The following ADGRG1 variants were observed in gnomAD, a reference collection of about 807,000 sequenced individuals.
ADGRG1 encodes the protein 7-transmembrane protein with no EGF-like N-terminal domains-1.
A neutral mutation model predicts 73.5 loss-of-function variants in ADGRG1; 53 were observed. The ratio of observed to expected loss-of-function variants is 0.72; its 90% CI spans 0.58 to 0.91. The LOEUF is 0.91. Ranked by LOEUF, ADGRG1 falls within the 40% of genes least tolerant of loss-of-function variation. The pLI, the probability that ADGRG1 is intolerant of heterozygous loss-of-function variation, is 0.00. For synonymous variants in ADGRG1, 394 were observed against 374.4 expected (o/e 1.05, Z -0.60); for missense variants, 795 against 871.8 (o/e 0.91, Z 1.11).
Position 57,654,414 on chromosome 16 carries a change from C to T in ADGRG1, c.768+281C>T, listed in dbSNP as rs1457714217. 1.5e-5 allele frequency among the ~76,000 whole-genome samples: 2 copies of T among 135,316 alleles called. 1 individual carries two copies. The highest frequency in any genetic ancestry group is 5.5e-5 in the African/African-American group (2 of 36,576). The allele number at this position is 135,316 out of a possible 152,430, so 88.8% of individuals were successfully genotyped here. A position where few individuals can be genotyped will look rare whatever the true frequency, so the allele number is the denominator to read the frequency against. ...CCCTAAACGCCTGTCCACGCACCCC[C>T]CCCCCCCGTTTTTTTTTTTTCGAGA... is the stretch of plus-strand genomic sequence containing the variant. On this transcript the variant is annotated intron_variant, in intron 5 of 13. Coordinates refer to ENST00000562631, the MANE Select transcript of ADGRG1 (RefSeq NM_201525.4).
chr16:57,620,365 G>A (rs117572100), upstream of ADGRG1, among the ~76,000 whole-genome samples: 4 of 152,286 alleles, frequency 2.6e-5, no homozygotes, highest in Non-Finnish European at 4.4e-5. Flanking sequence ...TGCTGGCATG[G>A]TGGTCATCCT....
chr16:57,650,080 A>C (rs1597438787), intron 1 of ADGRG1, 173 bp from the exon 2 acceptor site: 7 of 965,972 alleles, frequency 7.2e-6, no homozygotes, highest in Non-Finnish European at 8.6e-6. Context: ...GCCTGGCCTC[A>C]CTGCCTCTTG....
chr16:57,662,434 G>GT (rs2047409561), intron 13 of ADGRG1, among the ~76,000 whole-genome samples: 1 of 152,072 alleles, frequency 6.6e-6, no homozygotes, highest in African/African-American at 2.4e-5. Flanking sequence ...CCTACTCCAG[G>GT]CGCGGTCCAC....
intron 8 of ADGRG1, 56 bp downstream of exon 8, chr16:57,656,327 T>C: frequency 1.9e-6 from 2 of 1,074,946 alleles, no homozygotes; most frequent in Non-Finnish European, 2.7e-6. Context: ...AATAGAGTCC[T>C]GGGGGGTGGG....
chr16:57,623,235 T>A, upstream of ADGRG1: 1 of 985,250 alleles, frequency 1.0e-6, no homozygotes, highest in Non-Finnish European at 1.2e-6. Context: ...TCTAGAACCT[T>A]CCGGGGGTGG....
At chr16:57,662,720 G>A (rs1302096057) in intron 13 of ADGRG1, among the ~76,000 whole-genome samples, 6 of 152,256 alleles carry the variant, frequency 3.9e-5, no homozygotes, top group African/African-American at 1.4e-4. Context: ...GGATCCCAGG[G>A]CAGGGTCATG....
At chr16:57,663,287 G>A (rs755764500) in intron 13 of ADGRG1, 165 bp from the exon 14 acceptor site, 157 of 981,788 alleles carry the variant, frequency 1.6e-4, no homozygotes, top group Admixed American at 1.8e-4. Flanking sequence ...CACAGTGCCC[G>A]GCTCATAGGA....
chr16:57,642,671 A>C (rs2041153251), intron 1 of ADGRG1: 2 of 983,984 alleles, frequency 2.0e-6, no homozygotes, highest in African/African-American at 3.5e-5. Flanking sequence ...GCTCCCTGAA[A>C]GTGCTTTGGC....
chr16:57,656,410 A>T, intron 8 of ADGRG1, 104 bp from the exon 9 acceptor site: 2 of 1,609,162 alleles, frequency 1.2e-6, no homozygotes, highest in Non-Finnish European at 1.7e-6. Flanking sequence ...GCAGGCTATG[A>T]GTAGGCCGGG....
At chr16:57,625,137 T>G (rs1285432381), upstream of ADGRG1, among the ~76,000 whole-genome samples, 1 of 152,032 alleles carries the variant, frequency 6.6e-6, no homozygotes, top group Non-Finnish European at 1.5e-5. Context: ...TTCAGCTTTC[T>G]GCTTTCCCCA....
chr16:57,647,269 C>G (rs1346231985), intron 1 of ADGRG1: 1 of 985,272 alleles, frequency 1.0e-6, no homozygotes, highest in Non-Finnish European at 1.2e-6. Flanking sequence ...GGGGTTTAAC[C>G]TTCCATTGCA....
chr16:57,634,162 T>C (rs2038758620), intron 1 of ADGRG1: 2 of 985,344 alleles, frequency 2.0e-6, no homozygotes, highest in Non-Finnish European at 1.2e-6. Context: ...CCTAGGCCCC[T>C]GGGAGCTAGG....
At chr16:57,639,768 C>A in intron 1 of ADGRG1, 1 of 798,188 alleles carries the variant, frequency 1.3e-6, no homozygotes, top group Non-Finnish European at 1.5e-6. Context: ...TCCTTCACTC[C>A]CCTTCCCCTC....
At chr16:57,623,475 G>A (rs570209409), upstream of ADGRG1, among the ~76,000 whole-genome samples, 36 of 152,210 alleles carry the variant, frequency 2.4e-4, no homozygotes, top group East Asian at 7.7e-4. Context: ...GGTCATGCTC[G>A]CCCCTCCTGT....
intron 1 of ADGRG1, chr16:57,629,209 G>T (rs945948836): frequency 1.0e-6 from 1 of 981,592 alleles, no homozygotes; most frequent in Non-Finnish European, 1.2e-6. Context: ...GTCCAGGTCA[G>T]CATGGCTGTG....
chr16:57,643,599 G>A, intron 1 of ADGRG1: 2 of 985,044 alleles, frequency 2.0e-6, no homozygotes, highest in Non-Finnish European at 2.4e-6. Flanking sequence ...GTAAGAGTGT[G>A]AGGCTCACCC....
intron 1 of ADGRG1, chr16:57,643,793 C>G: frequency 2.0e-6 from 2 of 984,552 alleles, no homozygotes; most frequent in Non-Finnish European, 2.4e-6. Flanking sequence ...TTCCGTCACT[C>G]ACTTGGGGAG....
At chr16:57,656,069 A>G (rs2148430044) in intron 7 of ADGRG1, 77 bp downstream of exon 7, 6 of 1,613,160 alleles carry the variant, frequency 3.7e-6, no homozygotes, top group South Asian at 1.1e-5. Context: ...CTCCAGACTC[A>G]TTTGTCTTTA....
intron 12 of ADGRG1, 89 bp from the exon 13 acceptor site, chr16:57,661,608 G>A (rs1192913633): frequency 2.6e-6 from 4 of 1,542,846 alleles, no homozygotes; most frequent in South Asian, 1.2e-5. Flanking sequence ...GTAAACAGTG[G>A]ATAATCCTGA....
Sources: allele counts gnomAD v4.1 joint callset (sites outside exome capture counted in the v4.1 genomes callset), GRCh38; gene constraint gnomAD v4.1.1; transcripts MANE v1.5; gene names NCBI Gene and HGNC (gene_info 2026-07-23, HGNC 2026-07-21).